SHISA6: variants seen among roughly 807,000 people sequenced by gnomAD.
The protein encoded by SHISA6 is shisa family member 6.
SHISA6 carries 22 observed loss-of-function variants against 47.9 expected under a neutral mutation model. The ratio of observed to expected loss-of-function variants is 0.46; its 90% CI spans 0.33 to 0.66. The LOEUF (loss-of-function observed/expected upper bound fraction) is 0.66, where lower values mean the gene tolerates loss of function less well. Among genes scored for constraint, SHISA6 ranks in the 30% least tolerant of loss-of-function variants. The pLI is 0.02. For missense variants in SHISA6, 680 were observed against 764.6 expected (o/e 0.89, Z 1.30); for synonymous variants, 388 against 337.8 (o/e 1.15, Z -1.63).
intron 3 of SHISA6, among the ~76,000 whole-genome samples, chr17:11,515,862 G>C (rs977577089): frequency 6.6e-6 from 1 of 152,160 alleles, no homozygotes; most frequent in Non-Finnish European, 1.5e-5. Flanking sequence ...AGGAGCAAAA[G>C]AGACCACTTT....
chr17:11,497,983 C>A (rs370202953), intron 3 of SHISA6, among the ~76,000 whole-genome samples: 1 of 152,146 alleles, frequency 6.6e-6, no homozygotes, highest in East Asian at 1.9e-4. Flanking sequence ...ATATATTCAT[C>A]CCCCAGCTCC....
At chr17:11,391,368 G>A (rs1044686010) in intron 3 of SHISA6, among the ~76,000 whole-genome samples, 10 of 152,146 alleles carry the variant, frequency 6.6e-5, no homozygotes, top group African/African-American at 1.2e-4. Flanking sequence ...CTAGAAAGGC[G>A]GGTTGGAGGC....
intron 3 of SHISA6, among the ~76,000 whole-genome samples, chr17:11,464,393 AG>A (rs1915760872): frequency 6.6e-6 from 1 of 152,136 alleles, no homozygotes; most frequent in South Asian, 2.1e-4. Flanking sequence ...TGGGGGCTGG[AG>A]GCAGGAGGCT....
intron 2 of SHISA6, among the ~76,000 whole-genome samples, chr17:11,282,001 A>T (rs1049908573): frequency 2.7e-4 from 41 of 152,330 alleles, no homozygotes; most frequent in African/African-American, 9.9e-4. Context: ...TTCTCTTTTA[A>T]GAGCAATTTC....
At chr17:11,381,504 TC>T (rs551972862) in intron 3 of SHISA6, among the ~76,000 whole-genome samples, 52 of 152,226 alleles carry the variant, frequency 3.4e-4, no homozygotes, top group Non-Finnish European at 6.5e-4. Flanking sequence ...AAGCTGGTCT[TC>T]CCAGGGAAGG....
intron 2 of SHISA6, among the ~76,000 whole-genome samples, chr17:11,378,742 T>G (rs1244569624): frequency 6.6e-6 from 1 of 152,234 alleles, no homozygotes; most frequent in Non-Finnish European, 1.5e-5. Flanking sequence ...TAGTGTCTGC[T>G]GCATAAAGTT....
At chr17:11,396,818 T>C (rs1473987651) in intron 3 of SHISA6, among the ~76,000 whole-genome samples, 1 of 152,142 alleles carries the variant, frequency 6.6e-6, no homozygotes. Flanking sequence ...TAGATGATGG[T>C]TGACAGGTGC....
At chr17:11,242,776 T>C (rs1907420225) in intron 1 of SHISA6, among the ~76,000 whole-genome samples, 1 of 152,158 alleles carries the variant, frequency 6.6e-6, no homozygotes, top group African/African-American at 2.4e-5. Context: ...CGAAAGACAG[T>C]GGGAGCTGCC....
At chr17:11,261,092 A>T (rs564542017) in intron 1 of SHISA6, among the ~76,000 whole-genome samples, 1 of 151,276 alleles carries the variant, frequency 6.6e-6, no homozygotes, top group Non-Finnish European at 1.5e-5. Flanking sequence ...GGGATGGAAG[A>T]TGGAGAGGAA....
intron 1 of SHISA6, among the ~76,000 whole-genome samples, chr17:11,242,856 C>T (rs537601998): frequency 1.1e-4 from 17 of 152,270 alleles, no homozygotes; most frequent in South Asian, 1.0e-3. Context: ...GCTGCCCCGA[C>T]GCACCATCTT....
chr17:11,509,433 C>T (rs1253188056), intron 3 of SHISA6, among the ~76,000 whole-genome samples: 1 of 152,208 alleles, frequency 6.6e-6, no homozygotes, highest in African/African-American at 2.4e-5. Flanking sequence ...CTGTATGATG[C>T]AGGAAGGAAA....
At chr17:11,445,984 C>T (rs1178772227) in intron 3 of SHISA6, among the ~76,000 whole-genome samples, 4 of 152,134 alleles carry the variant, frequency 2.6e-5, no homozygotes, top group African/African-American at 9.7e-5. Flanking sequence ...GGTGCCACCA[C>T]GCCCAGCTAA....
chr17:11,427,265 C>T (rs1444304775), intron 3 of SHISA6, among the ~76,000 whole-genome samples: 2 of 152,112 alleles, frequency 1.3e-5, no homozygotes, highest in Admixed American at 6.6e-5. Context: ...TCCAGAGTAG[C>T]TGCAACTACA....
chr17:11,397,486 G>GGAGT (rs1913612059), intron 3 of SHISA6, among the ~76,000 whole-genome samples: 1 of 150,852 alleles, frequency 6.6e-6, no homozygotes, highest in Non-Finnish European at 1.5e-5. Flanking sequence ...TCTCTTGGCT[G>GGAGT]GAGTTTATCT....
Position 11,455,660 on chromosome 17 carries a change from AC to A in SHISA6, c.895+76155del, listed in dbSNP as rs1273880850. 3.9e-5 allele frequency among the ~76,000 whole-genome samples: 6 copies of A among 152,114 alleles called. No individual in the cohort carries two copies. The East Asian group carries it at 1.2e-3, about 29-fold the overall frequency. ...GAAGAGCCCAGGAGTAAAGGTTCTC[AC>A]CCCGCTGAGCATTTCCTTTTCCCTG... On this transcript the variant is annotated intron_variant, in intron 3 of 5. Transcript: ENST00000441885.
chr17:11,285,597 T>A (rs566995912), intron 2 of SHISA6, among the ~76,000 whole-genome samples: 5 of 152,350 alleles, frequency 3.3e-5, no homozygotes, highest in Admixed American at 3.3e-4. Context: ...GAGAGCTTAC[T>A]TTGAGCGAGG....
intron 2 of SHISA6, among the ~76,000 whole-genome samples, chr17:11,302,159 A>G (rs908508003): frequency 6.6e-6 from 1 of 152,210 alleles, no homozygotes; most frequent in Non-Finnish European, 1.5e-5. Flanking sequence ...ACACAATTCA[A>G]ATTGAGATTT....
intron 3 of SHISA6, among the ~76,000 whole-genome samples, chr17:11,502,690 G>A (rs1030289546): frequency 1.3e-5 from 2 of 152,178 alleles, no homozygotes; most frequent in African/African-American, 4.8e-5. Flanking sequence ...TCGTGCCATC[G>A]CACTCCAGCC....
At chr17:11,504,601 A>G (rs374663987) in intron 3 of SHISA6, among the ~76,000 whole-genome samples, 2 of 152,290 alleles carry the variant, frequency 1.3e-5, no homozygotes, top group South Asian at 2.1e-4. Flanking sequence ...GCAGAAAAGA[A>G]GTGGGGGGTA....
Sources: gnomAD v4.1 joint callset for allele counts (sites outside exome capture counted in the v4.1 genomes callset) on GRCh38, gnomAD v4.1.1 for gene constraint, MANE v1.5 for transcripts, NCBI Gene and HGNC (gene_info 2026-07-23, HGNC 2026-07-21) for gene names.